DDX60: variants seen among roughly 807,000 people sequenced by gnomAD.
DDX60 encodes probable ATP-dependent RNA helicase DDX60.
Under a neutral mutation model 212.8 loss-of-function variants are expected in DDX60, and 165 were observed. The observed-to-expected ratio is 0.78, with a 90% CI of 0.68 to 0.88. The LOEUF (loss-of-function observed/expected upper bound fraction) is 0.88, where lower values mean the gene tolerates loss of function less well. Among genes scored for constraint, DDX60 ranks in the 40% least tolerant of loss-of-function variants. The pLI, the probability that DDX60 is intolerant of heterozygous loss-of-function variation, is 0.00. For synonymous variants in DDX60, 703 were observed against 685.3 expected, an observed-to-expected ratio of 1.03 and a Z score of -0.40; for missense variants, 1,905 against 2,003.9, an observed-to-expected ratio of 0.95 and a Z score of 0.94.
intron 26 of DDX60, among the ~76,000 whole-genome samples, chr4:168,253,093 G>A (rs6825528): frequency 0.066 from 10,102 of 152,200 alleles, 1,049 homozygotes; most frequent in African/African-American, 0.23. Context: ...ATGAGCCACC[G>A]TGCCCGGCCT....
intron 33 of DDX60, among the ~76,000 whole-genome samples, chr4:168,235,649 A>G (rs934301305): frequency 3.9e-5 from 6 of 152,116 alleles, no homozygotes; most frequent in African/African-American, 1.4e-4. Flanking sequence ...GTTATCTTGT[A>G]TAAACCAGCA....
At chr4:168,275,912 T>TA (rs200207610) in intron 15 of DDX60, 103 bp downstream of exon 15, 29,206 of 925,636 alleles carry the variant, frequency 0.032, 10 homozygotes, top group Non-Finnish European at 0.035. Context: ...GTATTTTCAG[T>TA]AAAAAAAAAA....
chr4:168,317,074 A>AAAAAG (rs1737424463), intron 1 of DDX60, among the ~76,000 whole-genome samples: 5 of 148,832 alleles, frequency 3.4e-5, no homozygotes, highest in African/African-American at 1.2e-4. Context: ...AAAAAAAAAA[A>AAAAAG]AAGAAGAAGA....
chr4:168,317,658 A>G lies in DDX60; in HGVS notation c.-107+964T>C, dbSNP rs1038084351. On this transcript the variant is annotated intron_variant, in intron 1 of 37. Transcript: ENST00000393743. ...AGTGTGGACAGGACCTGTGAATTTA[A>G]TGGCATAGTCTCTTTAATGATTCGG... is the stretch of plus-strand genomic sequence containing the variant. 2.6e-5 allele frequency among the ~76,000 whole-genome samples: 4 copies of G among 152,252 alleles called. 1 individual carries two copies. In the Middle Eastern group the frequency reaches 0.01, roughly 388 times the overall value.
rs776772733 is a variant in DDX60, at chr4:168,306,383, C to A, written c.602G>T (p.Trp201Leu). The A allele has an allele frequency of 9.5e-6, 15 of 1,585,048 alleles. No individual in the cohort carries two copies. Among genetic ancestry groups the A allele is most frequent in the Non-Finnish European group, 1.3e-5 (15 of 1,164,192 alleles). Reference protein sequence around the residue: ...PSMYRHQIFSWKNKQNIKDAY... With the variant: ...PSMYRHQIFSLKNKQNIKDAY... The stretch of plus-strand genomic sequence containing the variant: ...TGTCTTTTGGATGTGAATTACCTTC[C>A]AGGAAAAAATCTGGTGTCTGTACAT... The change falls in exon 5 of 38, where the codon TGG (tryptophan) becomes TTG (leucine). Residue 201 changes from tryptophan to leucine, a missense_variant. Transcript: ENST00000393743.
chr4:168,277,366 C>T (rs548603212), intron 14 of DDX60, among the ~76,000 whole-genome samples: 6 of 152,236 alleles, frequency 3.9e-5, no homozygotes, highest in East Asian at 1.9e-4. Flanking sequence ...CCCTTAACCA[C>T]GCCCACAACC....
intron 6 of DDX60, among the ~76,000 whole-genome samples, chr4:168,296,019 C>T (rs952484286): frequency 3.9e-5 from 6 of 152,134 alleles, no homozygotes; most frequent in African/African-American, 1.4e-4. Context: ...GAAACGGAGA[C>T]TTGCTGACCC....
intron 30 of DDX60, among the ~76,000 whole-genome samples, chr4:168,238,438 G>C (rs1370681084): frequency 1.0e-5 from 1 of 98,522 alleles, no homozygotes; most frequent in Non-Finnish European, 2.1e-5. Context: ...GGAAGGGAAG[G>C]GAAGGGAAGG....
intron 12 of DDX60, among the ~76,000 whole-genome samples, chr4:168,283,813 T>C: frequency 6.7e-6 from 1 of 149,494 alleles, no homozygotes; most frequent in Admixed American, 6.7e-5. Context: ...ACTTTCATGG[T>C]CTACCTCCTA....
chr4:168,285,136 A>G (rs1735765598), intron 11 of DDX60, among the ~76,000 whole-genome samples: 1 of 152,224 alleles, frequency 6.6e-6, no homozygotes, highest in African/African-American at 2.4e-5. Flanking sequence ...TCCCATCAAT[A>G]TCAACTAATA....
chr4:168,216,962 T>C lies in DDX60; in HGVS notation c.5110A>G (p.Thr1704Ala), dbSNP rs1343124284. The stretch of plus-strand genomic sequence containing the variant: ...ACTTTGTTTAACTTTTCCCAAAAAG[T>C]TGTACTCAGTTGTTCAAAGGCTAAG... ...VVLAFEQLSTTFWEKLNKV is the reference protein window; with the variant it reads ...VVLAFEQLSTAFWEKLNKV Residue 1704 changes from threonine (T) to alanine (A), a missense_variant, in exon 38 of 38, where the codon ACT becomes GCT. Physicochemically the swap from Thr to Ala is moderately conservative, Grantham distance 58. Transcript: ENST00000393743. 1 of 1,603,286 alleles carries C rather than the reference T, an allele frequency of 6.2e-7. No individual in the cohort carries two copies. Among genetic ancestry groups the C allele is most frequent in the Admixed American group, 1.7e-5 (1 of 57,390 alleles).
intron 8 of DDX60, among the ~76,000 whole-genome samples, chr4:168,290,758 A>G (rs149514873): frequency 6.6e-6 from 1 of 152,284 alleles, no homozygotes; most frequent in East Asian, 1.9e-4. Flanking sequence ...AATTACTTTT[A>G]AAATTTAATA....
rs1258436381 is a variant in DDX60, at chr4:168,216,863, T to A, written c.*70A>T. 1.1e-6 allele frequency: 1 copy of A among 925,898 alleles called. No homozygotes were observed. Among genetic ancestry groups the A allele is most frequent in the Non-Finnish European group, 1.7e-6 (1 of 603,946 alleles). The allele number at this position is 925,898 out of a possible 1,614,324, so 57.4% of individuals were successfully genotyped here. On this transcript the variant is annotated 3_prime_UTR_variant, in exon 38 of 38. Coordinates refer to ENST00000393743, the MANE Select transcript of DDX60 (RefSeq NM_017631.6). ...CATAATGTATTTCTGGCAAGAAGCA[T>A]AAGAATCAAAAACGTGACCTGAAAA...
intron 29 of DDX60, among the ~76,000 whole-genome samples, chr4:168,247,371 G>C (rs1439520626): frequency 6.6e-6 from 1 of 152,130 alleles, no homozygotes; most frequent in African/African-American, 2.4e-5. Flanking sequence ...GAGTATGGCA[G>C]CAGCAATAGA....
chr4:168,221,981 T>G, intron 35 of DDX60, 100 bp from the exon 36 acceptor site: 1 of 1,254,636 alleles, frequency 8.0e-7, no homozygotes, highest in Non-Finnish European at 1.1e-6. Flanking sequence ...GTTACCATTT[T>G]TAAAGCCCAC....
chr4:168,256,706 A>G (rs1450439281), intron 25 of DDX60, among the ~76,000 whole-genome samples: 2 of 152,214 alleles, frequency 1.3e-5, no homozygotes, highest in South Asian at 4.1e-4. Context: ...AAGCCCAGGG[A>G]GGTCTTATTT....
intron 27 of DDX60, among the ~76,000 whole-genome samples, chr4:168,252,305 G>A (rs980348606): frequency 5.9e-5 from 9 of 152,160 alleles, no homozygotes; most frequent in Admixed American, 1.3e-4. Flanking sequence ...CATGAACCCT[G>A]GCTTAGACTA....
At position 168,236,242 on chromosome 4, in the gene DDX60, C is replaced by T. The variant is rs779598599; in HGVS notation, c.4533+10G>A. The T allele has an allele frequency of 3.7e-6, 6 of 1,607,242 alleles. No individual in the cohort carries two copies. In the South Asian group the frequency reaches 6.7e-5, roughly 18 times the overall value. ...ACATTACTAAATTTTATCAGAATCA[C>T]ACAGTTTACCTTTGATTGATAAAAC... On this transcript the variant is annotated intron_variant, in intron 33 of 37. Coordinates refer to ENST00000393743, the MANE Select transcript of DDX60 (RefSeq NM_017631.6).
At chr4:168,219,998 T>G (rs1732992770) in intron 37 of DDX60, among the ~76,000 whole-genome samples, 1 of 151,534 alleles carries the variant, frequency 6.6e-6, no homozygotes, top group Non-Finnish European at 1.5e-5. Flanking sequence ...ATCATACCAT[T>G]GCACTCCAGC....
Sources: gnomAD v4.1 joint callset for allele counts (sites outside exome capture counted in the v4.1 genomes callset) on GRCh38, gnomAD v4.1.1 for gene constraint, MANE v1.5 for transcripts, NCBI Gene and HGNC (gene_info 2026-07-23, HGNC 2026-07-21) for gene names.